Variants in GRK4 observed in about 807,000 individuals in gnomAD.
GRK4 encodes the protein G protein-coupled receptor kinase 2-like.
GRK4 carries 73 observed loss-of-function variants against 77.9 expected under a neutral mutation model. The ratio of observed to expected loss-of-function variants is 0.94; its 90% CI spans 0.78 to 1.14. The LOEUF (loss-of-function observed/expected upper bound fraction) is 1.14, where lower values mean the gene tolerates loss of function less well. Ranked by LOEUF, GRK4 falls within the 50% of genes most tolerant of loss-of-function variation. The pLI, the probability that GRK4 is intolerant of heterozygous loss-of-function variation, is 0.00. For synonymous variants in GRK4, 257 were observed against 254.4 expected (o/e 1.01, Z -0.10); for missense variants, 729 against 700.2 (o/e 1.04, Z -0.46).
At chr4:3,022,246 A>C (rs1208886451) in intron 9 of GRK4, among the ~76,000 whole-genome samples, 168 bp from the exon 10 acceptor site, 1 of 152,192 alleles carries the variant, frequency 6.6e-6, no homozygotes, top group Admixed American at 6.5e-5. Flanking sequence ...TTGTTTGCTG[A>C]GATGAATTTT....
intron 4 of GRK4, among the ~76,000 whole-genome samples, chr4:3,000,589 A>G (rs1273475542): frequency 6.9e-6 from 1 of 145,034 alleles, no homozygotes; most frequent in African/African-American, 2.6e-5. Context: ...TTTTTTTGAA[A>G]CAGTCTTGCT....
intron 4 of GRK4, 89 bp from the exon 5 acceptor site, chr4:3,004,142 T>G (rs1370334784): frequency 1.0e-6 from 1 of 963,930 alleles, no homozygotes; most frequent in African/African-American, 1.6e-5. Context: ...CACTTTGTGT[T>G]TCATTTTTTT....
chr4:3,030,659 C>T lies in GRK4; in HGVS notation c.1269+1250C>T, dbSNP rs576441960. Among the ~76,000 whole-genome samples the T allele has an allele frequency of 7.3e-5, 11 of 151,368 alleles. No individual in the cohort carries two copies. The South Asian group carries it at 1.0e-3, about 14-fold the overall frequency. On this transcript the variant is annotated intron_variant, in intron 12 of 15. Transcript: ENST00000398052. ...CAGGCTCTAGGGGGTGAGAGGGGGT[C>T]GGCCTGCTGGGCAGAGCAGACAGAG...
At chr4:2,979,657 G>A (rs1722289538) in intron 1 of GRK4, among the ~76,000 whole-genome samples, 1 of 152,202 alleles carries the variant, frequency 6.6e-6, no homozygotes, top group African/African-American at 2.4e-5. Flanking sequence ...AGGTTGTGGT[G>A]AGCCAAGATC....
chr4:3,009,351 G>A (rs754376333), intron 6 of GRK4, among the ~76,000 whole-genome samples: 16 of 151,708 alleles, frequency 1.1e-4, no homozygotes, highest in Non-Finnish European at 1.8e-4. Flanking sequence ...CAATCCAGGA[G>A]GCGGAGGTTG....
At chr4:3,005,444 A>G (rs1004550862) in intron 5 of GRK4, among the ~76,000 whole-genome samples, 4 of 151,944 alleles carry the variant, frequency 2.6e-5, no homozygotes, top group African/African-American at 9.7e-5. Context: ...CACCTGAGCC[A>G]GTGCAGTCCG....
chr4:3,016,474 C>T (rs1734525064), intron 8 of GRK4, among the ~76,000 whole-genome samples: 1 of 150,162 alleles, frequency 6.7e-6, no homozygotes, highest in Non-Finnish European at 1.5e-5. Flanking sequence ...GCCCAGATTG[C>T]GCCATTGTAC....
intron 10 of GRK4, among the ~76,000 whole-genome samples, chr4:3,026,077 C>T (rs112216698): frequency 0.012 from 1,889 of 152,306 alleles, 36 homozygotes; most frequent in African/African-American, 0.043. Flanking sequence ...CCGTTGGTGC[C>T]GCGATGGAGA....
At chr4:3,013,585 T>C in intron 7 of GRK4, 103 bp from the exon 8 acceptor site, 1 of 1,375,056 alleles carries the variant, frequency 7.3e-7, no homozygotes. Flanking sequence ...GCACTGCTGC[T>C]GGTCTCTGCC....
chr4:3,009,421 CAAAAA>C (rs33988983), intron 6 of GRK4, among the ~76,000 whole-genome samples: 5 of 86,704 alleles, frequency 5.8e-5, no homozygotes, highest in Non-Finnish European at 9.4e-5. Context: ...GACTCCATCT[CAAAAA>C]AAAAAAAAAA....
At chr4:2,988,519 G>A (rs959722376) in intron 2 of GRK4, among the ~76,000 whole-genome samples, 6 of 152,034 alleles carry the variant, frequency 3.9e-5, no homozygotes, top group African/African-American at 1.2e-4. Flanking sequence ...TGCAGTGAGC[G>A]GAGATTGTAC....
intron 1 of GRK4, among the ~76,000 whole-genome samples, chr4:2,970,143 C>T (rs1313409845): frequency 6.6e-6 from 1 of 152,140 alleles, no homozygotes; most frequent in African/African-American, 2.4e-5. Flanking sequence ...ATAATGTCTA[C>T]CGTCTGTTAC....
intron 4 of GRK4, among the ~76,000 whole-genome samples, chr4:3,003,834 T>G (rs1373023934): frequency 6.6e-6 from 1 of 152,132 alleles, no homozygotes; most frequent in African/African-American, 2.4e-5. Flanking sequence ...CCTCCCAGGT[T>G]CAAGTGATTC....
chr4:3,033,476 A>T (rs945936461), intron 12 of GRK4, among the ~76,000 whole-genome samples: 2 of 152,148 alleles, frequency 1.3e-5, no homozygotes, highest in Admixed American at 1.3e-4. Flanking sequence ...CCTCGATGGG[A>T]GTGGAGTATG....
intron 12 of GRK4, among the ~76,000 whole-genome samples, chr4:3,031,793 G>T (rs1739257831): frequency 6.6e-6 from 1 of 152,136 alleles, no homozygotes; most frequent in South Asian, 2.1e-4. Context: ...GGGGGTCACT[G>T]GGGGGATGGA....
At chr4:2,968,741 C>T (rs552714672) in intron 1 of GRK4, among the ~76,000 whole-genome samples, 13 of 152,214 alleles carry the variant, frequency 8.5e-5, no homozygotes, top group African/African-American at 2.4e-4. Context: ...GGGTAGGAAG[C>T]GCCCAGGTGG....
Position 3,038,357 on chromosome 4 carries a change from T to G in GRK4, c.1546-19T>G, listed in dbSNP as rs1394498830. 6.2e-7 allele frequency: 1 copy of G among 1,613,948 alleles called. No homozygotes were observed. Among genetic ancestry groups the G allele is most frequent in the Non-Finnish European group, 8.5e-7 (1 of 1,179,934 alleles). On this transcript the variant is annotated intron_variant, in intron 14 of 15. Coordinates refer to ENST00000398052, the MANE Select transcript of GRK4 (RefSeq NM_182982.3). ...CAGTTTCTCTGCGGCTTCTCTGTCC[T>G]GTTATTCTGTGCATGCAGATGATCG...
chr4:3,016,994 C>T (rs1002802339), intron 8 of GRK4, among the ~76,000 whole-genome samples: 2 of 152,246 alleles, frequency 1.3e-5, no homozygotes, highest in East Asian at 3.9e-4. Flanking sequence ...ATCCCTGCTG[C>T]GCCCTGACCC....
intron 7 of GRK4, among the ~76,000 whole-genome samples, chr4:3,011,974 TC>T (rs1733047717): frequency 2.0e-5 from 3 of 152,170 alleles, no homozygotes; most frequent in Non-Finnish European, 4.4e-5. Flanking sequence ...TCGTATCACT[TC>T]CAGCAGCGTG....
Sources: allele counts gnomAD v4.1 joint callset (sites outside exome capture counted in the v4.1 genomes callset), GRCh38; gene constraint gnomAD v4.1.1; transcripts MANE v1.5; gene names NCBI Gene and HGNC (gene_info 2026-07-23, HGNC 2026-07-21).